The following TRHDE variants were observed in gnomAD, a reference collection of about 807,000 sequenced individuals.
TRHDE encodes thyrotropin releasing hormone degrading enzyme.
Under a neutral mutation model 125.7 loss-of-function variants are expected in TRHDE, and 72 were observed. That is an observed-to-expected ratio of 0.57 (90% confidence interval 0.47 to 0.70). The LOEUF (loss-of-function observed/expected upper bound fraction) is 0.70, where lower values mean the gene tolerates loss of function less well. Ranked by LOEUF, TRHDE falls within the 30% of genes least tolerant of loss-of-function variation. The pLI, the probability that TRHDE is intolerant of heterozygous loss-of-function variation, is 0.00. For missense variants in TRHDE, 1,110 were observed against 1,327.1 expected (o/e 0.84, Z 2.54); for synonymous variants, 509 against 509.1 (o/e 1.00, Z 0.00).
At chr12:72,500,561 T>C (rs879649670) in intron 6 of TRHDE, among the ~76,000 whole-genome samples, 2 of 152,062 alleles carry the variant, frequency 1.3e-5, no homozygotes, top group Non-Finnish European at 2.9e-5. Flanking sequence ...CTGGCTAATT[T>C]CTGTATTTTT....
chr12:72,115,456 A>G (rs538937489), intron 2 of TRHDE, among the ~76,000 whole-genome samples: 1 of 152,208 alleles, frequency 6.6e-6, no homozygotes, highest in African/African-American at 2.4e-5. Context: ...TGTTGATAAG[A>G]TGCTTAGGTT....
chr12:72,556,589 C>A (rs543482718), intron 7 of TRHDE, among the ~76,000 whole-genome samples: 2 of 152,292 alleles, frequency 1.3e-5, no homozygotes, highest in South Asian at 4.1e-4. Flanking sequence ...GCTTTAGCTG[C>A]CAGGCAAAGT....
At chr12:72,179,525 T>C (rs1464314506) in intron 2 of TRHDE, among the ~76,000 whole-genome samples, 1 of 152,096 alleles carries the variant, frequency 6.6e-6, no homozygotes, top group African/African-American at 2.4e-5. Flanking sequence ...CTTTTTGCTT[T>C]TCATGGCATC....
chr12:72,259,055 G>A (rs1429368550), intron 2 of TRHDE, among the ~76,000 whole-genome samples: 2 of 152,004 alleles, frequency 1.3e-5, no homozygotes, highest in African/African-American at 4.8e-5. Context: ...AAGATACTTT[G>A]AAACTCTGTA....
At chr12:72,336,715 G>A (rs1330147598) in intron 2 of TRHDE, among the ~76,000 whole-genome samples, 1 of 152,190 alleles carries the variant, frequency 6.6e-6, no homozygotes, top group Non-Finnish European at 1.5e-5. Flanking sequence ...AAAGTGGAAG[G>A]CCAGGAGATG....
intron 2 of TRHDE, among the ~76,000 whole-genome samples, chr12:72,137,183 CAG>C (rs1317150905): frequency 1.3e-5 from 2 of 152,192 alleles, no homozygotes; most frequent in Non-Finnish European, 2.9e-5. Context: ...GCTTGTGAAA[CAG>C]GGCATTTTGG....
chr12:72,444,085 A>G (rs1437839539), intron 3 of TRHDE, among the ~76,000 whole-genome samples: 1 of 151,878 alleles, frequency 6.6e-6, no homozygotes, highest in Non-Finnish European at 1.5e-5. Context: ...AGAAACCAAA[A>G]TGCCTTGGCC....
intron 2 of TRHDE, among the ~76,000 whole-genome samples, chr12:72,350,731 C>CT (rs1423974740): frequency 6.6e-6 from 1 of 151,950 alleles, no homozygotes; most frequent in Non-Finnish European, 1.5e-5. Context: ...AAGATTAAGA[C>CT]TGGGTGTGTT....
intron 2 of TRHDE, among the ~76,000 whole-genome samples, chr12:72,260,788 C>T (rs922330467): frequency 2.0e-5 from 3 of 152,110 alleles, no homozygotes; most frequent in Admixed American, 6.5e-5. Context: ...ATTCGAAATA[C>T]GCGTATGAAG....
chr12:72,134,873 T>A (rs1875945925), intron 2 of TRHDE, among the ~76,000 whole-genome samples: 1 of 152,062 alleles, frequency 6.6e-6, no homozygotes, highest in Non-Finnish European at 1.5e-5. Flanking sequence ...GATAAACAAA[T>A]GATGAAAGCA....
chr12:72,103,032 A>G (rs952431581), intron 1 of TRHDE, among the ~76,000 whole-genome samples: 3 of 152,220 alleles, frequency 2.0e-5, no homozygotes, highest in Non-Finnish European at 4.4e-5. Context: ...CTTGCTTTGC[A>G]GTGTGACTTC....
intron 15 of TRHDE, among the ~76,000 whole-genome samples, chr12:72,627,882 T>G (rs1361824726): frequency 6.6e-6 from 1 of 151,530 alleles, no homozygotes; most frequent in African/African-American, 2.4e-5. Context: ...TCTCACTATA[T>G]TGCCCAGGCT....
chr12:72,229,131 G>A (rs367752540), intron 2 of TRHDE, among the ~76,000 whole-genome samples: 2 of 152,066 alleles, frequency 1.3e-5, no homozygotes, highest in East Asian at 3.9e-4. Flanking sequence ...CCCATTTCTG[G>A]TACTAATGTC....
rs115865118 is a variant in TRHDE at position 72,287,057 on chromosome 12, A to G, written c.1188+103A>G. On this transcript the variant is annotated intron_variant, in intron 2 of 18. Transcript: ENST00000261180. Reference sequence around the variant, plus strand: ...GTCATTTCTAACCTTTTTACACCTTATATAGTGGAATTCTTTCTTTAATTC... The same window carrying G: ...GTCATTTCTAACCTTTTTACACCTTGTATAGTGGAATTCTTTCTTTAATTC... 7.6e-4 allele frequency: 906 copies of G among 1,185,126 alleles called. 4 individuals are homozygous for G. The African/African-American group carries it at 0.011, about 14-fold the overall frequency. The allele number at this position is 1,185,126 out of a possible 1,614,324, so 73.4% of individuals were successfully genotyped here.
chr12:72,351,757 T>G (rs1486610263), intron 2 of TRHDE, among the ~76,000 whole-genome samples: 1 of 151,940 alleles, frequency 6.6e-6, no homozygotes, highest in East Asian at 1.9e-4. Flanking sequence ...ATCTTTCCAT[T>G]GCACTTAAAG....
chr12:72,615,224 G>GACACAATT (rs1256433616), intron 12 of TRHDE, among the ~76,000 whole-genome samples: 18 of 152,174 alleles, frequency 1.2e-4, no homozygotes, highest in Non-Finnish European at 1.9e-4. Context: ...ATATTGATAG[G>GACACAATT]ACACAATTAT....
At chr12:72,412,054 G>A (rs899499312) in intron 3 of TRHDE, among the ~76,000 whole-genome samples, 9 of 152,040 alleles carry the variant, frequency 5.9e-5, no homozygotes, top group Non-Finnish European at 1.0e-4. Flanking sequence ...TAATTTCAAG[G>A]TAGGAAAGTC....
At chr12:72,486,597 C>G (rs115364481) in intron 5 of TRHDE, among the ~76,000 whole-genome samples, 30 of 152,260 alleles carry the variant, frequency 2.0e-4, no homozygotes, top group African/African-American at 7.2e-4. Context: ...CCACTGCACC[C>G]GCATGGAACC....
chr12:72,612,934 A>C (rs1013317917), intron 12 of TRHDE, among the ~76,000 whole-genome samples: 2 of 152,200 alleles, frequency 1.3e-5, no homozygotes, highest in African/African-American at 4.8e-5. Flanking sequence ...ATCTTTGGAA[A>C]TACAGAAGTT....
Sources: allele counts gnomAD v4.1 joint callset (sites outside exome capture counted in the v4.1 genomes callset), GRCh38; gene constraint gnomAD v4.1.1; transcripts MANE v1.5; gene names NCBI Gene and HGNC (gene_info 2026-07-23, HGNC 2026-07-21).